Variants in NCBP3 observed in about 807,000 individuals in gnomAD.
The protein encoded by NCBP3 is nuclear cap binding subunit 3, also known as nuclear cap-binding protein subunit 3.
NCBP3 carries 20 observed loss-of-function variants against 75.7 expected under a neutral mutation model. That is an observed-to-expected ratio of 0.26 (90% CI 0.19 to 0.38). The LOEUF is 0.38. NCBP3 is among the 10% of genes least tolerant of loss of function. The pLI is 1.00. For missense variants in NCBP3, 678 were observed against 796.9 expected (o/e 0.85, Z 1.80); for synonymous variants, 293 against 290.5 (o/e 1.01, Z -0.09).
rs924344807 is a variant in NCBP3, at chr17:3,807,697, G to A, written c.*5347C>T. 1 of 152,158 alleles carries A rather than the reference G, an allele frequency of 6.6e-6. No individual in the cohort carries two copies. The highest frequency in any genetic ancestry group is 2.1e-4 in the South Asian group (1 of 4,832). 9.4% of individuals were successfully genotyped at this position (152,158 alleles called of 1,614,324 possible). Reference sequence around the variant, plus strand: ...CATTGTACGTACATGGCAGAAAAATGACTAGCCTGCCAGAGGGCCCCAGAG... The same window carrying A: ...CATTGTACGTACATGGCAGAAAAATAACTAGCCTGCCAGAGGGCCCCAGAG... On this transcript the variant is annotated 3_prime_UTR_variant, in exon 13 of 13. Transcript: ENST00000389005.
rs3760475 is a variant in NCBP3, at chr17:3,825,901, T to C, written c.611-58A>G. 247 of 1,446,394 alleles carry C rather than the reference T, an allele frequency of 1.7e-4. No homozygotes were observed. The East Asian group carries it at 5.4e-3, about 31-fold the overall frequency. 89.6% of individuals were successfully genotyped at this position (1,446,394 alleles called of 1,614,324 possible). A position where few individuals can be genotyped will look rare whatever the true frequency, so the allele number is the denominator to read the frequency against. ...AGATAAAATATTTCATATAATGAGA[T>C]ACAAGATGAACTATCTCATATAATT... On this transcript the variant is annotated intron_variant, in intron 5 of 12. Transcript: ENST00000389005.
Position 3,810,195 on chromosome 17 carries a change from C to T in NCBP3, c.*2849G>A, listed in dbSNP as rs892072978. 1 of 152,208 alleles carries T rather than the reference C, an allele frequency of 6.6e-6. No individual in the cohort carries two copies. Among genetic ancestry groups the T allele is most frequent in the African/African-American group, 2.4e-5 (1 of 41,440 alleles). The allele number at this position is 152,208 out of a possible 1,614,324, so 9.4% of individuals were successfully genotyped here. On this transcript the variant is annotated 3_prime_UTR_variant, in exon 13 of 13. Coordinates refer to ENST00000389005, the MANE Select transcript of NCBP3 (RefSeq NM_001114118.3). Reference sequence around the variant, plus strand: ...TGGTAACAACAACAAAGGTTCATCCCGCTGCAGTGTGCAGAATGGAGACAG... The same window carrying T: ...TGGTAACAACAACAAAGGTTCATCCTGCTGCAGTGTGCAGAATGGAGACAG...
chr17:3,838,992 C>T (rs193087241), intron 3 of NCBP3, among the ~76,000 whole-genome samples: 65 of 152,256 alleles, frequency 4.3e-4, no homozygotes, highest in African/African-American at 1.5e-3. Flanking sequence ...AGAAGGCTGC[C>T]TACTAAACCC....
At chr17:3,838,144 G>A (rs957444581) in intron 3 of NCBP3, among the ~76,000 whole-genome samples, 4 of 152,192 alleles carry the variant, frequency 2.6e-5, no homozygotes, top group Admixed American at 6.5e-5. Context: ...AGGCTTTTGC[G>A]CCCTAAAGAG....
rs1305628222 is a variant in NCBP3 at position 3,846,213 on chromosome 17, A to T, written c.11T>A (p.Val4Glu). Residue 4 changes from valine (V) to glutamate (E), a missense_variant, in exon 1 of 13, where the codon GTA (valine) becomes GAA (glutamate). Val to Glu is a moderately radical substitution (Grantham distance 121, BLOSUM62 -2). Around this residue, in one of 7 missense-constraint regions of NCBP3, gnomAD observed 76 missense variants for 53.8 expected, o/e 1.41. Coordinates refer to ENST00000389005, the MANE Select transcript of NCBP3 (RefSeq NM_001114118.3). The surrounding 1 kb of genome is among the most constrained non-coding windows in gnomAD (Gnocchi z 4.6). ...CTTCACCGACACCCGCAGGCCCCGT[A>T]CGGCCGCCATCGCTGCCTGCCGGCC... is the stretch of plus-strand genomic sequence containing the variant. MAA[V>E]RGLRVSVKAE... The T allele has an allele frequency of 1.4e-6, 2 of 1,446,344 alleles. No homozygotes were observed. Among genetic ancestry groups the T allele is most frequent in the Non-Finnish European group, 1.8e-6 (2 of 1,105,090 alleles). 89.6% of individuals were successfully genotyped at this position (1,446,344 alleles called of 1,614,324 possible).
In NCBP3 at chr17:3,818,664, G is replaced by A; in HGVS notation, c.1001-92C>T. On this transcript the variant is annotated intron_variant, in intron 9 of 12. Coordinates refer to ENST00000389005, the MANE Select transcript of NCBP3 (RefSeq NM_001114118.3). The surrounding 1 kb of genome is among the most constrained non-coding windows in gnomAD (Gnocchi z 4.7). ...ACATCGGTGACCTTTTTAAAAGGTG[G>A]GGTTCCCATCCCTGACATTTTATTG... 7.2e-7 allele frequency: 1 copy of A among 1,392,018 alleles called. No individual in the cohort carries two copies. The allele number at this position is 1,392,018 out of a possible 1,614,324, so 86.2% of individuals were successfully genotyped here. A position where few individuals can be genotyped will look rare whatever the true frequency, so the allele number is the denominator to read the frequency against.
In NCBP3 at chr17:3,840,092, C is replaced by A; in HGVS notation, c.355+8G>T. ...ATGTGGACAAATTTCCCACAAAACA[C>A]CCTGTACCTTTCTTCATCATGTCTC... On this transcript the variant is annotated splice_region_variant and intron_variant, in intron 3 of 12. Coordinates refer to ENST00000389005, the MANE Select transcript of NCBP3 (RefSeq NM_001114118.3). 1 of 1,549,328 alleles carries A rather than the reference C, an allele frequency of 6.5e-7. No homozygotes were observed. The highest frequency in any genetic ancestry group is 8.7e-7 in the Non-Finnish European group (1 of 1,144,900).
chr17:3,815,242 T>C (rs1372608710), intron 11 of NCBP3, among the ~76,000 whole-genome samples: 1 of 152,202 alleles, frequency 6.6e-6, no homozygotes, highest in Non-Finnish European at 1.5e-5. Flanking sequence ...CTAAAATAGA[T>C]GTAAGATCAG....
At chr17:3,816,376 CT>C in intron 10 of NCBP3, 106 bp from the exon 11 acceptor site, 1 of 966,258 alleles carries the variant, frequency 1.0e-6, no homozygotes, top group African/African-American at 1.7e-5. Context: ...GAAATCCTGT[CT>C]TACATGGCCA....
intron 7 of NCBP3, chr17:3,824,425 CAT>C (rs1483783081): frequency 6.6e-6 from 1 of 150,434 alleles, no homozygotes. Flanking sequence ...CACATACATA[CAT>C]ATACATACAT....
chr17:3,841,782 G>A (rs11078467), intron 2 of NCBP3, among the ~76,000 whole-genome samples: 1,958 of 142,688 alleles, frequency 0.014, 22 homozygotes, highest in South Asian at 0.03. Context: ...GCAGTGAGCC[G>A]TGATCGCACC....
intron 4 of NCBP3, among the ~76,000 whole-genome samples, chr17:3,827,075 T>A (rs12940576): frequency 0.96 from 135,179 of 140,700 alleles, 64,830 homozygotes; most frequent in East Asian, 1. Flanking sequence ...GGGGGAAGGG[T>A]AGGGGGAAAG....
intron 3 of NCBP3, among the ~76,000 whole-genome samples, chr17:3,837,982 A>T (rs1250481082): frequency 1.4e-5 from 2 of 145,190 alleles, no homozygotes; most frequent in East Asian, 1.9e-4. Flanking sequence ...GTTGTACGTT[A>T]AAAAAAAAAA....
At chr17:3,816,482 C>T (rs1009111079) in intron 10 of NCBP3, among the ~76,000 whole-genome samples, 7 of 152,190 alleles carry the variant, frequency 4.6e-5, no homozygotes, top group Non-Finnish European at 4.4e-5. Context: ...AGCAGGTTTT[C>T]GAAGGTGGTT....
At position 3,803,975 on chromosome 17, in the gene NCBP3, G is replaced by A. The variant is rs1416702704; in HGVS notation, c.*9069C>T. ...GCCTGTAGTCCCAGCTACTCAGGAG[G>A]GTGAGGCAGGAGAATGGCGTGAACC... On this transcript the variant is annotated 3_prime_UTR_variant, in exon 13 of 13. Coordinates refer to ENST00000389005, the MANE Select transcript of NCBP3 (RefSeq NM_001114118.3). 6.6e-6 allele frequency: 1 copy of A among 151,960 alleles called. No homozygotes were observed. The highest frequency in any genetic ancestry group is 1.5e-5 in the Non-Finnish European group (1 of 68,032). 9.4% of individuals were successfully genotyped at this position (151,960 alleles called of 1,614,324 possible).
In NCBP3 at chr17:3,818,253, A is replaced by G. The variant is rs1290431946; in HGVS notation, c.1310+10T>C. The G allele has an allele frequency of 3.2e-6, 5 of 1,557,924 alleles. No individual in the cohort carries two copies. The highest frequency in any genetic ancestry group is 4.3e-6 in the Non-Finnish European group (5 of 1,152,158). On this transcript the variant is annotated intron_variant, in intron 10 of 12. Transcript: ENST00000389005. The surrounding 1 kb of genome is among the most constrained non-coding windows in gnomAD (Gnocchi z 4.7). ...AATTAAAAGCTAGCTTTGATAAAAC[A>G]AATTTTTACCTAATATTTTTCAACT... is the stretch of plus-strand genomic sequence containing the variant.
At chr17:3,815,747 T>G (rs1293687109) in intron 11 of NCBP3, among the ~76,000 whole-genome samples, 1 of 152,158 alleles carries the variant, frequency 6.6e-6, no homozygotes, top group African/African-American at 2.4e-5. Flanking sequence ...AATCTAGAGA[T>G]GACTTAAAGT....
rs2053335098 is a variant in NCBP3 at position 3,806,234 on chromosome 17, A to G, written c.*6810T>C. The G allele has an allele frequency of 1.3e-5, 2 of 152,138 alleles. No homozygotes were observed. The highest frequency in any genetic ancestry group is 4.1e-4 in the South Asian group (2 of 4,826). 9.4% of individuals were successfully genotyped at this position (152,138 alleles called of 1,614,324 possible). A position where few individuals can be genotyped will look rare whatever the true frequency, so the allele number is the denominator to read the frequency against. On this transcript the variant is annotated 3_prime_UTR_variant, in exon 13 of 13. Coordinates refer to ENST00000389005, the MANE Select transcript of NCBP3 (RefSeq NM_001114118.3). ...GCTGGGACTACAGGTACCCACCACC[A>G]CGCCCAGCTAATTTTTGTATTTCTA...
In NCBP3 at chr17:3,826,114, C is replaced by A. The variant is rs955026782; in HGVS notation, c.583G>T (p.Asp195Tyr). The A allele has an allele frequency of 1.3e-6, 2 of 1,551,448 alleles. No individual in the cohort carries two copies. The highest frequency in any genetic ancestry group is 1.7e-6 in the Non-Finnish European group (2 of 1,146,966). Residue 195 changes from aspartate to tyrosine, a missense_variant, in exon 5 of 13, where the codon GAC (aspartate) becomes TAC (tyrosine). Transcript: ENST00000389005. ...TTTTTCCTTTTCTCAGCTGACTTGT[C>A]CTCACTGGCATCCCTGCTTCTGATC... Reference protein sequence around the residue: ...DKIRSRDASEDKSAEKRKKDK... With the variant: ...DKIRSRDASEYKSAEKRKKDK...
Sources: allele counts gnomAD v4.1 joint callset (sites outside exome capture counted in the v4.1 genomes callset), GRCh38; gene constraint gnomAD v4.1.1; regional missense constraint gnomAD v4.1.1; non-coding constraint Gnocchi (gnomAD v3.1); transcripts MANE v1.5; gene names NCBI Gene and HGNC (gene_info 2026-07-23, HGNC 2026-07-21).